Variants in BLACAT1 observed in about 807,000 individuals in gnomAD.
BLACAT1 encodes bladder cancer associated transcript 1.
chr1:205,450,087 C>T lies in BLACAT1; in HGVS notation c.-37+5830G>A, dbSNP rs1201396128. Among the ~76,000 whole-genome samples, 1 of 152,104 alleles carries T rather than the reference C, an allele frequency of 6.6e-6. No individual in the cohort carries two copies. On this transcript the variant is annotated intron_variant, in intron 1 of 1. Coordinates refer to ENST00000629624, the Ensembl canonical transcript of BLACAT1. This position sits in a 1 kb window ranked among gnomAD's most constrained non-coding sequence, Gnocchi z 4.4. ...GACTCACTTGTGACCGGCCCCTCCC[C>T]CAGCCCTGAGGACGGTGGGGGTGGG... is the stretch of plus-strand genomic sequence containing the variant.
At chr1:205,451,884 T>C (rs1161624538) in intron 1 of BLACAT1, among the ~76,000 whole-genome samples, 2 of 152,094 alleles carry the variant, frequency 1.3e-5, no homozygotes, top group African/African-American at 4.8e-5. Context: ...ACAACTTGCC[T>C]GGATGGGCAT....
downstream of BLACAT1, among the ~76,000 whole-genome samples, chr1:205,439,278 G>A (rs1028163661): frequency 3.9e-5 from 6 of 152,174 alleles, no homozygotes; most frequent in Non-Finnish European, 8.8e-5. Flanking sequence ...AAGGACTTCT[G>A]TTTATAATTC....
downstream of BLACAT1, chr1:205,435,932 G>A (rs1666197354): frequency 6.6e-6 from 1 of 152,208 alleles, no homozygotes; most frequent in African/African-American, 2.4e-5. Context: ...CCATCCTCAG[G>A]CCTCTGGGAG....
intron 1 of BLACAT1, among the ~76,000 whole-genome samples, chr1:205,442,192 AG>A (rs1666306418): frequency 6.6e-6 from 1 of 152,152 alleles, no homozygotes; most frequent in African/African-American, 2.4e-5. Context: ...TCCTCTCTCC[AG>A]GAAGAACATG....
intron 1 of BLACAT1, among the ~76,000 whole-genome samples, chr1:205,442,776 A>G (rs1666317188): frequency 6.6e-6 from 1 of 152,178 alleles, no homozygotes; most frequent in South Asian, 2.1e-4. Flanking sequence ...TAGAGCCAAG[A>G]CACAACTACT....
At chr1:205,444,426 G>C (rs1000095534) in intron 1 of BLACAT1, among the ~76,000 whole-genome samples, 2 of 152,014 alleles carry the variant, frequency 1.3e-5, no homozygotes, top group South Asian at 4.2e-4. Flanking sequence ...AATCCATAGA[G>C]CATCCGTCCT....
In BLACAT1 at chr1:205,450,754, T is replaced by C. The variant is rs1666485696; in HGVS notation, c.-37+5163A>G. Among the ~76,000 whole-genome samples, 3 of 152,050 alleles carry C rather than the reference T, an allele frequency of 2.0e-5. No individual in the cohort carries two copies. Among genetic ancestry groups the C allele is most frequent in the African/African-American group, 7.2e-5 (3 of 41,384 alleles). ...GTAAGCTGTGGAAGTAGGGCATCTC[T>C]CTCTAAGGTGTGTCTGGGCCAGAGG... On this transcript the variant is annotated intron_variant, in intron 1 of 1. Transcript: ENST00000629624. The surrounding 1 kb of genome is among the most constrained non-coding windows in gnomAD (Gnocchi z 4.4).
At chr1:205,444,120 C>A (rs1338602063) in intron 1 of BLACAT1, among the ~76,000 whole-genome samples, 1 of 152,052 alleles carries the variant, frequency 6.6e-6, no homozygotes, top group African/African-American at 2.4e-5. Flanking sequence ...ATGGGAACTC[C>A]CCTCCCATCC....
chr1:205,442,047 TCTCTGCCCTTC>T (rs1341245988), intron 1 of BLACAT1, among the ~76,000 whole-genome samples: 4 of 152,154 alleles, frequency 2.6e-5, no homozygotes, highest in Non-Finnish European at 4.4e-5. Context: ...CCAGTTCACC[TCTCTGCCCTTC>T]CTCTGCCCCT....
chr1:205,447,921 T>A (rs1317950051), intron 1 of BLACAT1, among the ~76,000 whole-genome samples: 1 of 152,022 alleles, frequency 6.6e-6, no homozygotes, highest in Non-Finnish European at 1.5e-5. Context: ...AGGAGTGAGG[T>A]TTTCCTGGAG....
At chr1:205,438,558 T>A (rs1666244201), downstream of BLACAT1, among the ~76,000 whole-genome samples, 1 of 152,116 alleles carries the variant, frequency 6.6e-6, no homozygotes, top group Admixed American at 6.5e-5. Flanking sequence ...AGGAGCAAAG[T>A]CCCCATTTTC....
intron 1 of BLACAT1, among the ~76,000 whole-genome samples, chr1:205,445,689 T>C (rs974356618): frequency 2.6e-5 from 4 of 152,216 alleles, no homozygotes; most frequent in Admixed American, 6.5e-5. Flanking sequence ...TGAAATGTCT[T>C]TGTGGCCTGC....
chr1:205,435,555 T>C (rs902052174), downstream of BLACAT1: 2 of 152,210 alleles, frequency 1.3e-5, no homozygotes, highest in Admixed American at 1.3e-4. Flanking sequence ...GAAAGGGAAG[T>C]ACTGGTTTCA....
chr1:205,447,532 G>T (rs1666413866), intron 1 of BLACAT1, among the ~76,000 whole-genome samples: 1 of 152,118 alleles, frequency 6.6e-6, no homozygotes, highest in Non-Finnish European at 1.5e-5. Flanking sequence ...CCACCTGTTG[G>T]AATCTTCCAG....
Position 205,441,209 on chromosome 1 carries a change from G to T in BLACAT1, c.-36-147C>A, listed in dbSNP as rs1426644339. Reference sequence around the variant, plus strand: ...GCCCGCTAGGTCTCTCACACCGGCTGGGGGAGGAGTCAAGCCTCTAAACAA... The same window carrying T: ...GCCCGCTAGGTCTCTCACACCGGCTTGGGGAGGAGTCAAGCCTCTAAACAA... On this transcript the variant is annotated intron_variant, in intron 1 of 1. Transcript: ENST00000629624. This position sits in a 1 kb window ranked among gnomAD's most constrained non-coding sequence, Gnocchi z 4.3. 6.6e-6 allele frequency: 1 copy of T among 152,310 alleles called. No homozygotes were observed. The highest frequency in any genetic ancestry group is 1.5e-5 in the Non-Finnish European group (1 of 68,156). The allele number at this position is 152,310 out of a possible 1,614,324, so 9.4% of individuals were successfully genotyped here.
chr1:205,451,602 C>G (rs1558747700), intron 1 of BLACAT1, among the ~76,000 whole-genome samples: 1 of 151,060 alleles, frequency 6.6e-6, no homozygotes, highest in African/African-American at 2.4e-5. Flanking sequence ...AGGTGGGAGA[C>G]AAAACAGGAG....
chr1:205,445,802 C>T (rs776802234), intron 1 of BLACAT1, among the ~76,000 whole-genome samples: 7 of 152,130 alleles, frequency 4.6e-5, no homozygotes, highest in Non-Finnish European at 7.3e-5. Context: ...AGACTGTCAG[C>T]GCCAGAATGA....
chr1:205,437,643 C>G (rs1248629284), downstream of BLACAT1: 1 of 152,228 alleles, frequency 6.6e-6, no homozygotes, highest in South Asian at 2.1e-4. Flanking sequence ...CAGAGGAAAC[C>G]TGCGACCCTC....
At chr1:205,438,974 G>A (rs2102462329), downstream of BLACAT1, among the ~76,000 whole-genome samples, 1 of 152,330 alleles carries the variant, frequency 6.6e-6, no homozygotes, top group East Asian at 1.9e-4. Context: ...TCCTCCTGGT[G>A]AGCCTGTGTG....
Sources: allele counts gnomAD v4.1 joint callset (sites outside exome capture counted in the v4.1 genomes callset), GRCh38; gene constraint gnomAD v4.1.1; non-coding constraint Gnocchi (gnomAD v3.1); transcripts MANE v1.5; gene names NCBI Gene and HGNC (gene_info 2026-07-23, HGNC 2026-07-21).